KPNA5: variants seen among roughly 807,000 people sequenced by gnomAD.
KPNA5 encodes importin subunit alpha-6.
A neutral mutation model predicts 71.3 loss-of-function variants in KPNA5; 46 were observed. The observed-to-expected ratio is 0.65, with a 90% confidence interval of 0.51 to 0.83. The LOEUF (loss-of-function observed/expected upper bound fraction) is 0.83. Ranked by LOEUF, KPNA5 falls within the 40% of genes least tolerant of loss-of-function variation. KPNA5 has a pLI of 0.00. For missense variants in KPNA5, 547 were observed against 628.3 expected, an observed-to-expected ratio of 0.87 and a Z score of 1.38; for synonymous variants, 207 against 201.4, an observed-to-expected ratio of 1.03 and a Z score of -0.24.
rs1015305402 is a variant in KPNA5, at chr6:116,737,189, C to T, written c.*4866C>T. 3 of 151,918 alleles carry T rather than the reference C, an allele frequency of 2.0e-5. No homozygotes were observed. The highest frequency in any genetic ancestry group is 4.4e-5 in the Non-Finnish European group (3 of 67,912). The allele number at this position is 151,918 out of a possible 1,614,324, so 9.4% of individuals were successfully genotyped here. ...ACTTTGTAAGGCAGGCACAGAACAA[C>T]GTTTATTTTACTGCTGAGTCAGTAC... On this transcript the variant is annotated 3_prime_UTR_variant, in exon 14 of 14. Transcript: ENST00000368564.
intron 6 of KPNA5, among the ~76,000 whole-genome samples, chr6:116,702,705 C>CTT (rs1375368086): frequency 6.6e-6 from 1 of 152,164 alleles, no homozygotes; most frequent in African/African-American, 2.4e-5. Flanking sequence ...AAGTTAGTAA[C>CTT]TTACCTAAAG....
intron 9 of KPNA5, among the ~76,000 whole-genome samples, chr6:116,722,497 G>A (rs1779145823): frequency 6.6e-6 from 1 of 152,178 alleles, no homozygotes; most frequent in African/African-American, 2.4e-5. Flanking sequence ...TAATTATTTT[G>A]TAAATGAATT....
chr6:116,737,071 T>C lies in KPNA5; in HGVS notation c.*4748T>C, dbSNP rs1000336771. On this transcript the variant is annotated 3_prime_UTR_variant, in exon 14 of 14. Coordinates refer to ENST00000368564, the MANE Select transcript of KPNA5 (RefSeq NM_001366306.2). ...GAGTTGTATTTTTCATTTGCATGCGTTTACATGTTTGGATATTGAATTTCC... is the reference window on the plus strand; with the variant it reads ...GAGTTGTATTTTTCATTTGCATGCGCTTACATGTTTGGATATTGAATTTCC... 3 of 151,956 alleles carry C rather than the reference T, an allele frequency of 2.0e-5. No individual in the cohort carries two copies. The highest frequency in any genetic ancestry group is 7.2e-5 in the African/African-American group (3 of 41,420). The allele number at this position is 151,956 out of a possible 1,614,324, so 9.4% of individuals were successfully genotyped here.
chr6:116,724,198 T>C (rs1447172189), intron 9 of KPNA5, 99 bp from the exon 10 acceptor site: 1 of 675,230 alleles, frequency 1.5e-6, no homozygotes, highest in African/African-American at 1.8e-5. Context: ...AATGGGATCT[T>C]TGGCTGAACA....
intron 2 of KPNA5, among the ~76,000 whole-genome samples, chr6:116,691,723 T>C (rs888542142): frequency 1.3e-5 from 2 of 152,208 alleles, no homozygotes; most frequent in Non-Finnish European, 2.9e-5. Context: ...AATTCTTAGA[T>C]ACCTCATAAT....
At chr6:116,724,601 T>C (rs571155100) in intron 10 of KPNA5, among the ~76,000 whole-genome samples, 1 of 152,156 alleles carries the variant, frequency 6.6e-6, no homozygotes, top group Middle Eastern at 3.4e-3. Flanking sequence ...AGTAAGTTAG[T>C]TTAGTTAGAG....
At chr6:116,698,874 A>T (rs978341418) in intron 5 of KPNA5, 76 bp downstream of exon 5, 1 of 746,562 alleles carries the variant, frequency 1.3e-6, no homozygotes, top group Non-Finnish European at 2.1e-6. Flanking sequence ...CAACTTCTGC[A>T]GTATTGACTA....
Position 116,726,540 on chromosome 6 carries a change from C to G in KPNA5, c.1171C>G (p.Gln391Glu), listed in dbSNP as rs1326525232. The stretch of plus-strand genomic sequence containing the variant: ...TTTTCCTGTTTTGATTGAGATTCTT[C>G]AGAAAGCAGAGTTTCGTACCAGAAA... ...NIFPVLIEIL[Q>E]KAEFRTRKEA... The change falls in exon 12 of 14, where the codon CAG (glutamine) becomes GAG (glutamate). Residue 391 changes from glutamine to glutamate, a missense_variant. By Grantham distance (29) the Gln-to-Glu change is conservative. Transcript: ENST00000368564. The G allele has an allele frequency of 6.2e-7, 1 of 1,612,174 alleles. No homozygotes were observed.
At chr6:116,712,777 T>C (rs1778748881) in intron 7 of KPNA5, among the ~76,000 whole-genome samples, 1 of 152,144 alleles carries the variant, frequency 6.6e-6, no homozygotes, top group Admixed American at 6.5e-5. Context: ...TGTTATTTGT[T>C]TTCCACATGT....
chr6:116,690,120 A>T (rs1456741697), intron 2 of KPNA5, among the ~76,000 whole-genome samples: 1 of 108,906 alleles, frequency 9.2e-6, no homozygotes, highest in Admixed American at 8.9e-5. Context: ...CTGTAAGTAG[A>T]GATGGGGTCC....
At chr6:116,712,653 CAG>C (rs1562445811) in intron 7 of KPNA5, among the ~76,000 whole-genome samples, 1 of 152,240 alleles carries the variant, frequency 6.6e-6, no homozygotes, top group East Asian at 1.9e-4. Flanking sequence ...TTTGTAGAGA[CAG>C]AGTCTCGTTA....
intron 4 of KPNA5, among the ~76,000 whole-genome samples, chr6:116,693,258 G>A (rs2114382027): frequency 6.6e-6 from 1 of 152,266 alleles, no homozygotes; most frequent in South Asian, 2.1e-4. Flanking sequence ...CCCAGTAATA[G>A]GATGGCTGGG....
At chr6:116,708,169 G>A (rs1396598732) in intron 7 of KPNA5, among the ~76,000 whole-genome samples, 1 of 152,168 alleles carries the variant, frequency 6.6e-6, no homozygotes, top group Non-Finnish European at 1.5e-5. Flanking sequence ...ACACTTCGGT[G>A]TGTCCACCTT....
intron 8 of KPNA5, among the ~76,000 whole-genome samples, chr6:116,718,672 AT>A (rs1296409112): frequency 1.3e-5 from 2 of 152,020 alleles, no homozygotes; most frequent in Admixed American, 6.6e-5. Context: ...ATAATATCAC[AT>A]TTTGGGGCTT....
Position 116,735,931 on chromosome 6 carries a change from A to T in KPNA5, c.*3608A>T, listed in dbSNP as rs1779654954. Reference sequence around the variant, plus strand: ...CAGAGGTTATCAGTTTTAATAAAAAAGTAAGGCCGTATTTTGCCTCTAAGA... The same window carrying T: ...CAGAGGTTATCAGTTTTAATAAAAATGTAAGGCCGTATTTTGCCTCTAAGA... On this transcript the variant is annotated 3_prime_UTR_variant, in exon 14 of 14. Transcript: ENST00000368564. 1 of 151,614 alleles carries T rather than the reference A, an allele frequency of 6.6e-6. No individual in the cohort carries two copies. The highest frequency in any genetic ancestry group is 2.1e-4 in the South Asian group (1 of 4,822). The allele number at this position is 151,614 out of a possible 1,614,324, so 9.4% of individuals were successfully genotyped here.
intron 7 of KPNA5, 127 bp downstream of exon 7, chr6:116,705,287 G>A: frequency 1.6e-6 from 1 of 634,488 alleles, no homozygotes; most frequent in Non-Finnish European, 2.6e-6. Flanking sequence ...GCAGTAGCTT[G>A]ACAGCAGGTA....
intron 1 of KPNA5, among the ~76,000 whole-genome samples, chr6:116,683,029 A>C (rs1777420268): frequency 6.6e-6 from 1 of 152,210 alleles, no homozygotes; most frequent in African/African-American, 2.4e-5. Context: ...ATTTGGCTAA[A>C]ATTTATGCTG....
intron 8 of KPNA5, among the ~76,000 whole-genome samples, chr6:116,719,324 G>T (rs957753243): frequency 2.6e-5 from 4 of 152,022 alleles, no homozygotes; most frequent in African/African-American, 9.7e-5. Flanking sequence ...CATTTATCTG[G>T]TGATTTTTGA....
At chr6:116,731,203 TAA>T (rs1779470989) in intron 13 of KPNA5, among the ~76,000 whole-genome samples, 1 of 152,208 alleles carries the variant, frequency 6.6e-6, no homozygotes, top group Admixed American at 6.6e-5. Context: ...TTTTCTGTAT[TAA>T]GTCCTCTTAC....
Sources: gnomAD v4.1 joint callset for allele counts (sites outside exome capture counted in the v4.1 genomes callset) on GRCh38, gnomAD v4.1.1 for gene constraint, MANE v1.5 for transcripts, NCBI Gene and HGNC (gene_info 2026-07-23, HGNC 2026-07-21) for gene names.